The following NRXN1 variants were observed in gnomAD, a reference collection of about 807,000 sequenced individuals.
The protein encoded by NRXN1 is neurexin 1.
NRXN1 carries 39 observed loss-of-function variants against 150.9 expected under a neutral mutation model. That is an observed-to-expected ratio of 0.26 (90% CI 0.20 to 0.34). The LOEUF (loss-of-function observed/expected upper bound fraction) is 0.34, where lower values mean the gene tolerates loss of function less well. Among genes scored for constraint, NRXN1 ranks in the 10% least tolerant of loss-of-function variants. The probability of loss-of-function intolerance (pLI) is 1.00; values close to 1 mark genes in which losing one functional copy is unlikely to be tolerated. For synonymous variants in NRXN1, 924 were observed against 757.0 expected (o/e 1.22, Z -3.62); for missense variants, 1,815 against 1,949.9 (o/e 0.93, Z 1.30).
intron 17 of NRXN1, among the ~76,000 whole-genome samples, chr2:50,365,283 G>GA (rs371105723): frequency 2.7e-4 from 41 of 151,984 alleles, no homozygotes; most frequent in African/African-American, 8.7e-4. Context: ...TCAGATTTGA[G>GA]AAAATTTGTA....
intron 2 of NRXN1, among the ~76,000 whole-genome samples, chr2:50,938,881 T>C (rs980790156): frequency 2.0e-5 from 3 of 152,244 alleles, no homozygotes; most frequent in South Asian, 2.1e-4. Flanking sequence ...CTTAGCAGTA[T>C]ATTTATAGGA....
intron 5 of NRXN1, among the ~76,000 whole-genome samples, chr2:50,714,358 C>CT (rs535149406): frequency 8.7e-4 from 133 of 152,052 alleles, no homozygotes; most frequent in African/African-American, 3.0e-3. Flanking sequence ...AGAAATCTGT[C>CT]TTTTTTTTCA....
chr2:50,180,027 A>C (rs1460388540), intron 18 of NRXN1, among the ~76,000 whole-genome samples: 1 of 152,026 alleles, frequency 6.6e-6, no homozygotes, highest in Non-Finnish European at 1.5e-5. Flanking sequence ...TTTAATATTA[A>C]TTTATTTAGA....
At chr2:50,438,695 G>A (rs78554807) in intron 17 of NRXN1, among the ~76,000 whole-genome samples, 1 of 152,036 alleles carries the variant, frequency 6.6e-6, no homozygotes, top group Admixed American at 6.6e-5. Context: ...CCTGTCCTAA[G>A]TTTTACTGGA....
At chr2:50,607,032 C>T (rs750957324) in intron 8 of NRXN1, among the ~76,000 whole-genome samples, 8 of 151,936 alleles carry the variant, frequency 5.3e-5, no homozygotes, top group Non-Finnish European at 7.4e-5. Context: ...TGTCATCTAA[C>T]GAAGCCTAAT....
intron 5 of NRXN1, among the ~76,000 whole-genome samples, chr2:50,686,760 T>C (rs1362611205): frequency 6.6e-6 from 1 of 152,156 alleles, no homozygotes; most frequent in East Asian, 1.9e-4. Flanking sequence ...TGTTGCCAAG[T>C]CAATGAAGCA....
intron 17 of NRXN1, among the ~76,000 whole-genome samples, chr2:50,362,433 A>C (rs962229382): frequency 1.3e-5 from 2 of 152,196 alleles, no homozygotes; most frequent in Non-Finnish European, 2.9e-5. Flanking sequence ...AAAAATCACA[A>C]GCTTTCCTAT....
At chr2:51,011,539 A>G (rs1667862943) in intron 2 of NRXN1, among the ~76,000 whole-genome samples, 1 of 152,002 alleles carries the variant, frequency 6.6e-6, no homozygotes, top group Non-Finnish European at 1.5e-5. Context: ...GTTTTAAATG[A>G]TGGGTGAAAT....
chr2:50,978,448 G>T (rs1347221404), intron 2 of NRXN1, among the ~76,000 whole-genome samples: 2 of 150,542 alleles, frequency 1.3e-5, no homozygotes, highest in African/African-American at 4.9e-5. Flanking sequence ...GTTGTTAATG[G>T]CTGCACAATA....
chr2:50,236,313 A>C (rs746015075), intron 18 of NRXN1, among the ~76,000 whole-genome samples: 1 of 152,066 alleles, frequency 6.6e-6, no homozygotes, highest in Admixed American at 6.6e-5. Context: ...CACATCCCCA[A>C]GTATCCTTAA....
chr2:50,479,574 G>C (rs1339707188), intron 15 of NRXN1, among the ~76,000 whole-genome samples: 1 of 151,886 alleles, frequency 6.6e-6, no homozygotes, highest in East Asian at 1.9e-4. Context: ...GTAAGCATTT[G>C]ATAATTAGTT....
chr2:50,709,447 C>T lies in NRXN1; in HGVS notation c.833-85832G>A, dbSNP rs144958120. ...CTAATCTACTCTGGAGCATCAGAAA[C>T]GGCTTCTCAGAGGAAGTAGCTTGTG... On this transcript the variant is annotated intron_variant, in intron 5 of 22. Transcript: ENST00000401669. Among the ~76,000 whole-genome samples, 160 of 152,220 alleles carry T rather than the reference C, an allele frequency of 1.1e-3. 2 individuals are homozygous for T. The highest frequency in any genetic ancestry group is 3.6e-3 in the African/African-American group (150 of 41,544).
intron 17 of NRXN1, among the ~76,000 whole-genome samples, chr2:50,387,139 T>A (rs902312197): frequency 1.3e-5 from 2 of 152,122 alleles, no homozygotes; most frequent in African/African-American, 4.8e-5. Context: ...CTTTTATCCA[T>A]GAATATACAA....
chr2:50,308,313 A>G (rs1240190461), intron 17 of NRXN1, among the ~76,000 whole-genome samples: 1 of 151,678 alleles, frequency 6.6e-6, no homozygotes, highest in Non-Finnish European at 1.5e-5. Context: ...TATATATTCA[A>G]TTTTTTAAAT....
intron 17 of NRXN1, among the ~76,000 whole-genome samples, chr2:50,443,322 G>A (rs915332849): frequency 1.3e-5 from 2 of 152,192 alleles, no homozygotes; most frequent in African/African-American, 4.8e-5. Context: ...TGGAGATGGT[G>A]TGAATATAGG....
chr2:50,825,199 A>G (rs1670284912), intron 5 of NRXN1, among the ~76,000 whole-genome samples: 1 of 152,196 alleles, frequency 6.6e-6, no homozygotes, highest in Non-Finnish European at 1.5e-5. Flanking sequence ...CTGCTGTGAT[A>G]CTGTGATTTA....
chr2:50,994,499 C>A (rs1192152037), intron 2 of NRXN1, among the ~76,000 whole-genome samples: 4 of 151,954 alleles, frequency 2.6e-5, no homozygotes, highest in African/African-American at 9.7e-5. Flanking sequence ...GCCAGAGAGG[C>A]AGAACAGAAT....
chr2:50,404,078 C>A (rs2082581335), intron 17 of NRXN1, among the ~76,000 whole-genome samples: 1 of 152,038 alleles, frequency 6.6e-6, no homozygotes, highest in Non-Finnish European at 1.5e-5. Context: ...CACTTACTCC[C>A]TACCCCCTAC....
chr2:49,932,479 C>T (rs945814341), intron 22 of NRXN1, among the ~76,000 whole-genome samples: 6 of 151,954 alleles, frequency 3.9e-5, no homozygotes, highest in African/African-American at 1.2e-4. Context: ...TTTCCTTTTC[C>T]CCTTTCACCT....
Sources: allele counts gnomAD v4.1 joint callset (sites outside exome capture counted in the v4.1 genomes callset), GRCh38; gene constraint gnomAD v4.1.1; transcripts MANE v1.5; gene names NCBI Gene and HGNC (gene_info 2026-07-23, HGNC 2026-07-21).